Variants in DMD observed in about 807,000 individuals in gnomAD.
DMD encodes the protein mutant dystrophin.
Under a neutral mutation model 330.1 loss-of-function variants are expected in DMD, and 63 were observed. The observed-to-expected ratio is 0.19, with a 90% CI of 0.16 to 0.24. DMD has a LOEUF of 0.24. Among genes scored for constraint, DMD ranks in the 10% least tolerant of loss-of-function variants. The pLI is 1.00. For synonymous variants in DMD, 1,223 were observed against 959.8 expected (o/e 1.27, Z -5.07); for missense variants, 3,344 against 2,684.1 (o/e 1.25, Z -5.43).
At chrX:32,889,336 A>G (rs1438081995) in intron 2 of DMD, among the ~76,000 whole-genome samples, 1 of 110,940 alleles carries the variant, frequency 9.0e-6, no homozygotes, top group Admixed American at 9.6e-5. Flanking sequence ...GGGAACCACC[A>G]TGTTTCTTGA....
intron 34 of DMD, among the ~76,000 whole-genome samples, chrX:32,372,681 T>C (rs1044978040): frequency 9.0e-6 from 1 of 111,385 alleles, no homozygotes; most frequent in South Asian, 3.8e-4. Flanking sequence ...TTACCCTCTT[T>C]AATACTACTC....
At chrX:32,445,162 A>G (rs1278042052) in intron 27 of DMD, among the ~76,000 whole-genome samples, 1 of 111,580 alleles carries the variant, frequency 9.0e-6, no homozygotes, top group African/African-American at 3.2e-5. Flanking sequence ...AAAGCCTAGG[A>G]GATCTTTTTT....
chrX:33,099,167 C>T (rs1465571903), intron 1 of DMD, among the ~76,000 whole-genome samples: 2 of 111,467 alleles, frequency 1.8e-5, no homozygotes, highest in Non-Finnish European at 3.8e-5. Context: ...ACTATTTATT[C>T]CCATTTAGAT....
In DMD at chrX:31,121,255, A is replaced by AACTC. The variant is rs1195264091; in HGVS notation, c.*660_*663dup. 1 of 112,999 alleles carries AACTC rather than the reference A, an allele frequency of 8.8e-6. No individual in the cohort carries two copies. The highest frequency in any genetic ancestry group is 1.9e-5 in the Non-Finnish European group (1 of 53,904). The allele number at this position is 112,999 out of a possible 1,213,427, so 9.3% of individuals were successfully genotyped here. On this transcript the variant is annotated 3_prime_UTR_variant, in exon 79 of 79. Transcript: ENST00000357033. ...TAGACATATAGATATATGAAATGAA[A>AACTC]ACTCAAGCCTGCCCCACTCAGCTGA... is the stretch of plus-strand genomic sequence containing the variant.
chrX:32,012,075 C>T (rs1272940860), intron 44 of DMD, among the ~76,000 whole-genome samples: 2 of 112,191 alleles, frequency 1.8e-5, no homozygotes, highest in Admixed American at 9.4e-5. Context: ...ATTCTCATTC[C>T]TGGGACAACA....
intron 55 of DMD, among the ~76,000 whole-genome samples, chrX:31,584,013 G>T (rs1156890781): frequency 2.9e-5 from 3 of 102,861 alleles, no homozygotes; most frequent in Non-Finnish European, 2.0e-5. Context: ...GTGGTGTTTG[G>T]TTTTTTGTCC....
chrX:32,514,512 CG>C (rs2045653636), intron 18 of DMD, among the ~76,000 whole-genome samples: 1 of 111,678 alleles, frequency 9.0e-6, no homozygotes, highest in Non-Finnish European at 1.9e-5. Context: ...GAGGCCGAGG[CG>C]GGCGGATCAC....
At chrX:32,188,867 T>A (rs2096959121) in intron 44 of DMD, among the ~76,000 whole-genome samples, 1 of 110,714 alleles carries the variant, frequency 9.0e-6, no homozygotes, top group African/African-American at 3.3e-5. Flanking sequence ...AAATGTTAAC[T>A]TGGCTGGTAT....
chrX:32,469,453 C>A (rs1481415658), intron 22 of DMD, among the ~76,000 whole-genome samples: 1 of 110,590 alleles, frequency 9.0e-6, no homozygotes, highest in African/African-American at 3.3e-5. Flanking sequence ...AATATATGAT[C>A]ATGTATGCAC....
intron 44 of DMD, among the ~76,000 whole-genome samples, chrX:32,190,026 C>T (rs975721058): frequency 3.6e-5 from 4 of 110,762 alleles, no homozygotes; most frequent in Non-Finnish European, 7.6e-5. Context: ...AGACCTCCCC[C>T]TAGACCAGTG....
intron 29 of DMD, 71 bp downstream of exon 29, chrX:32,438,170 A>T (rs965064398): frequency 7.3e-6 from 8 of 1,093,928 alleles, no homozygotes; most frequent in Admixed American, 4.4e-5. Flanking sequence ...TGCTCATTTT[A>T]TCTGAGAGGC....
chrX:31,638,038 C>T (rs919896643), intron 54 of DMD, among the ~76,000 whole-genome samples: 3 of 111,650 alleles, frequency 2.7e-5, no homozygotes, highest in African/African-American at 9.8e-5. Context: ...CTGTCAATGA[C>T]TGAGTTTCTG....
At chrX:31,228,817 C>T (rs756519641) in intron 63 of DMD, among the ~76,000 whole-genome samples, 19 of 111,557 alleles carry the variant, frequency 1.7e-4, no homozygotes, top group African/African-American at 5.2e-4. Flanking sequence ...TGGGAGAAAG[C>T]GCACTTCAGA....
At chrX:31,590,900 G>C (rs1198743463) in intron 55 of DMD, among the ~76,000 whole-genome samples, 2 of 111,445 alleles carry the variant, frequency 1.8e-5, no homozygotes, top group Admixed American at 1.9e-4. Flanking sequence ...TCCAAGGTTA[G>C]CAGTGAAGAG....
intron 49 of DMD, among the ~76,000 whole-genome samples, chrX:31,831,708 C>A (rs1197072369): frequency 9.0e-6 from 1 of 111,071 alleles, no homozygotes; most frequent in African/African-American, 3.3e-5. Context: ...ATGCCATTCT[C>A]CTGCCTCAGC....
rs1018963597 is a variant in DMD at position 33,086,829 on chromosome X, C to T, written c.32-66629G>A. Reference sequence around the variant, plus strand: ...GTATATAATATATATACATAGAGAGCGATAGAGGGAGATAAAGGAAGGGGG... The same window carrying T: ...GTATATAATATATATACATAGAGAGTGATAGAGGGAGATAAAGGAAGGGGG... On this transcript the variant is annotated intron_variant, in intron 1 of 78. Transcript: ENST00000357033. 4.9e-4 allele frequency among the ~76,000 whole-genome samples: 53 copies of T among 107,332 alleles called. 1 individual carries two copies. The highest frequency in any genetic ancestry group is 1.7e-3 in the African/African-American group (49 of 29,689). 93.2% of individuals were successfully genotyped at this position (107,332 alleles called of 115,157 possible).
intron 1 of DMD, among the ~76,000 whole-genome samples, chrX:33,029,841 G>A (rs1013514207): frequency 8.9e-6 from 1 of 111,900 alleles, no homozygotes; most frequent in Non-Finnish European, 1.9e-5. Flanking sequence ...ATATGAAAAG[G>A]TGTTAAGTGG....
intron 51 of DMD, among the ~76,000 whole-genome samples, chrX:31,750,928 C>A (rs1399988464): frequency 2.8e-5 from 3 of 106,660 alleles, no homozygotes; most frequent in Non-Finnish European, 5.8e-5. Flanking sequence ...ACCTAGGAAT[C>A]CAACTTACAA....
rs1029103944 is a variant in DMD, at chrX:31,479,234, T to C, written c.8548-131A>G. ...ATCTCTTTTATTTATACACTGATGG[T>C]TATAAAATGATTTTTTTTAAAGGCT... On this transcript the variant is annotated intron_variant, in intron 57 of 78. Transcript: ENST00000357033. 4 of 751,323 alleles carry C rather than the reference T, an allele frequency of 5.3e-6. No individual in the cohort carries two copies. The African/African-American group carries it at 8.6e-5, about 16-fold the overall frequency. 61.9% of individuals were successfully genotyped at this position (751,323 alleles called of 1,213,427 possible). A position where few individuals can be genotyped will look rare whatever the true frequency, so the allele number is the denominator to read the frequency against.
Sources: allele counts gnomAD v4.1 joint callset (sites outside exome capture counted in the v4.1 genomes callset), GRCh38; gene constraint gnomAD v4.1.1; transcripts MANE v1.5; gene names NCBI Gene and HGNC (gene_info 2026-07-23, HGNC 2026-07-21).